Variants in KLHDC4 observed in about 807,000 individuals in gnomAD.
KLHDC4 encodes the protein kelch domain-containing protein 4.
A neutral mutation model predicts 62.4 loss-of-function variants in KLHDC4; 90 were observed. That is an observed-to-expected ratio of 1.44 (90% confidence interval 1.22 to 1.72). KLHDC4 has a LOEUF of 1.72. Ranked by LOEUF, KLHDC4 falls within the 40% of genes most tolerant of loss-of-function variation. The pLI is 0.00. For synonymous variants in KLHDC4, 386 were observed against 284.4 expected (o/e 1.36, Z -3.59); for missense variants, 1,025 against 699.7 (o/e 1.47, Z -5.25).
chr16:87,712,154 G>T (rs2036012847), intron 8 of KLHDC4, among the ~76,000 whole-genome samples: 1 of 152,024 alleles, frequency 6.6e-6, no homozygotes, highest in South Asian at 2.1e-4. Flanking sequence ...TTCAGGAAGG[G>T]TCTATGTTCT....
intron 5 of KLHDC4, among the ~76,000 whole-genome samples, chr16:87,731,695 T>A (rs1343265949): frequency 6.6e-6 from 1 of 151,886 alleles, no homozygotes; most frequent in Non-Finnish European, 1.5e-5. Context: ...AGCTTAGCAA[T>A]CTGACATAAG....
At chr16:87,748,483 C>T (rs1159518391) in intron 5 of KLHDC4, among the ~76,000 whole-genome samples, 190 bp downstream of exon 5, 3 of 152,160 alleles carry the variant, frequency 2.0e-5, no homozygotes, top group East Asian at 1.9e-4. Context: ...CCCCCACACC[C>T]GGCCCAGGCT....
intron 7 of KLHDC4, among the ~76,000 whole-genome samples, chr16:87,718,851 G>A (rs77427721): frequency 4.0e-5 from 6 of 151,878 alleles, no homozygotes; most frequent in Admixed American, 1.3e-4. Context: ...CGTCTGGGAT[G>A]TGAGGAGTGC....
At chr16:87,742,216 C>A (rs73246308) in intron 5 of KLHDC4, among the ~76,000 whole-genome samples, 1 of 152,148 alleles carries the variant, frequency 6.6e-6, no homozygotes, top group African/African-American at 2.4e-5. Context: ...TGCCACACAC[C>A]GCAGCCCAGC....
intron 7 of KLHDC4, among the ~76,000 whole-genome samples, chr16:87,723,371 G>A (rs2038786455): frequency 6.6e-6 from 1 of 152,242 alleles, no homozygotes; most frequent in South Asian, 2.1e-4. Flanking sequence ...ACTGAGGGCG[G>A]GTGCACGTGG....
At chr16:87,702,126 CGT>C (rs1180534644) in exon 14 of KLHDC4, 7 of 456,134 alleles carry the variant, frequency 1.5e-5, no homozygotes, top group Non-Finnish European at 3.1e-5. Flanking sequence ...CCCGCATGAT[CGT>C]GTGTGGAACA....
exon 1 of KLHDC4, chr16:87,698,531 C>T (rs543324840): frequency 2.0e-5 from 3 of 152,266 alleles, no homozygotes; most frequent in Non-Finnish European, 4.4e-5. Context: ...CGAAGTTGTG[C>T]AGAGATCTAG....
chr16:87,702,773 C>A (rs1331385248), upstream of KLHDC4, among the ~76,000 whole-genome samples: 1 of 152,248 alleles, frequency 6.6e-6, no homozygotes. Flanking sequence ...CCTGTGTTTC[C>A]TTCCAAGTCG....
At chr16:87,747,892 C>T (rs938363200) in intron 5 of KLHDC4, among the ~76,000 whole-genome samples, 18 of 152,338 alleles carry the variant, frequency 1.2e-4, no homozygotes, top group African/African-American at 2.9e-4. Flanking sequence ...GGCCTGTGTG[C>T]GGCGGCCTCT....
intron 5 of KLHDC4, among the ~76,000 whole-genome samples, chr16:87,731,746 C>A (rs531622639): frequency 5.3e-5 from 8 of 152,342 alleles, no homozygotes; most frequent in African/African-American, 1.9e-4. Context: ...TCCACACAGA[C>A]GGACATGCAC....
chr16:87,720,827 C>T (rs1222998088), intron 7 of KLHDC4, among the ~76,000 whole-genome samples: 1 of 152,240 alleles, frequency 6.6e-6, no homozygotes, highest in Non-Finnish European at 1.5e-5. Context: ...CTGCCACAGC[C>T]GCAGCCTCTT....
chr16:87,740,393 G>A (rs918698008), intron 5 of KLHDC4, among the ~76,000 whole-genome samples: 4 of 152,156 alleles, frequency 2.6e-5, no homozygotes, highest in Non-Finnish European at 5.9e-5. Flanking sequence ...GGTGGGGAGA[G>A]GGGAAACCCT....
At chr16:87,723,749 A>T (rs1241660389) in intron 7 of KLHDC4, among the ~76,000 whole-genome samples, 1 of 152,290 alleles carries the variant, frequency 6.6e-6, no homozygotes. Context: ...ATGAACGTGG[A>T]TCAGAATGGA....
At chr16:87,742,284 C>G (rs780135008) in intron 5 of KLHDC4, among the ~76,000 whole-genome samples, 6 of 152,182 alleles carry the variant, frequency 3.9e-5, no homozygotes, top group African/African-American at 7.2e-5. Flanking sequence ...CCCAGCTACA[C>G]TAGCCCCTGA....
chr16:87,755,219 G>A lies in KLHDC4; in HGVS notation c.344C>T (p.Pro115Leu), dbSNP rs756674355. ...CTGGTGAGCACAGCGCCTCGGAGGT[G>A]GACTGGGGATGTCAACTTTGGTCCA... is the stretch of plus-strand genomic sequence containing the variant. Reference protein sequence around the residue: ...DTWTKVDIPSPPPRRCAHQAV... With the variant: ...DTWTKVDIPSLPPRRCAHQAV... The change falls in exon 4 of 12, where the codon CCA (proline) becomes CTA (leucine). Residue 115 changes from proline (P) to leucine (L), a missense_variant. Transcript: ENST00000270583. 6.8e-6 allele frequency: 11 copies of A among 1,610,620 alleles called. No homozygotes were observed. The East Asian group carries it at 1.8e-4, about 26-fold the overall frequency.
chr16:87,762,008 C>T lies in KLHDC4; in HGVS notation c.132G>A (p.Gln44=), dbSNP rs1203415649. The T allele has an allele frequency of 6.2e-7, 1 of 1,613,868 alleles. No individual in the cohort carries two copies. Among genetic ancestry groups the T allele is most frequent in the Non-Finnish European group, 8.5e-7 (1 of 1,179,970 alleles). The change falls in exon 2 of 12, where the codon CAG becomes CAA. Residue 44 remains glutamine, a synonymous_variant. Transcript: ENST00000270583. Reference sequence around the variant, plus strand: ...TCTGAGTCCTCTTGGCATCGAGTGTCTGGAAATGGGCTATGAGCGCTTCCA... The same window carrying T: ...TCTGAGTCCTCTTGGCATCGAGTGTTTGGAAATGGGCTATGAGCGCTTCCA... ...EDLEALIAHF[Q]TLDAKRTQTV...
At chr16:87,726,058 CTCTATT>C (rs1276250603) in intron 7 of KLHDC4, among the ~76,000 whole-genome samples, 1 of 152,140 alleles carries the variant, frequency 6.6e-6, no homozygotes, top group African/African-American at 2.4e-5. Context: ...TTAACACTAT[CTCTATT>C]TCTAATTCTA....
downstream of KLHDC4, among the ~76,000 whole-genome samples, chr16:87,707,036 C>T (rs1004442421): frequency 6.6e-6 from 1 of 152,202 alleles, no homozygotes; most frequent in African/African-American, 2.4e-5. Context: ...TGTCATCAGC[C>T]CCGTTATAGA....
At chr16:87,729,505 G>C (rs549411409) in intron 6 of KLHDC4, 9 of 152,370 alleles carry the variant, frequency 5.9e-5, no homozygotes, top group African/African-American at 1.7e-4. Flanking sequence ...ACTTCACTCA[G>C]AACACAACTG....
Sources: gnomAD v4.1 joint callset for allele counts (sites outside exome capture counted in the v4.1 genomes callset) on GRCh38, gnomAD v4.1.1 for gene constraint, MANE v1.5 for transcripts, NCBI Gene and HGNC (gene_info 2026-07-23, HGNC 2026-07-21) for gene names.